NKAIN2: variants seen among roughly 807,000 people sequenced by gnomAD.
NKAIN2 encodes sodium/potassium-transporting ATPase subunit beta-1-interacting protein 2.
In NKAIN2, 14 loss-of-function variants were observed where a neutral mutation model predicts 32.6. That is an observed-to-expected ratio of 0.43 (90% CI 0.28 to 0.67). The LOEUF (loss-of-function observed/expected upper bound fraction) is 0.67, where lower values mean the gene tolerates loss of function less well. Among genes scored for constraint, NKAIN2 ranks in the 30% least tolerant of loss-of-function variants. NKAIN2 has a pLI of 0.17. For missense variants in NKAIN2, 198 were observed against 258.3 expected (o/e 0.77, Z 1.60); for synonymous variants, 80 against 87.2 (o/e 0.92, Z 0.46).
intron 3 of NKAIN2, among the ~76,000 whole-genome samples, chr6:124,595,783 C>T (rs1782063652): frequency 6.6e-6 from 1 of 152,126 alleles, no homozygotes; most frequent in African/African-American, 2.4e-5. Flanking sequence ...AGTAGTGCAG[C>T]GATTACAGCA....
chr6:124,251,033 T>C lies in NKAIN2; in HGVS notation c.55-31972T>C, dbSNP rs553394437. ...AACACAGGTAAACTTTCTAAACAAA[T>C]AAAAATGAAGAATTGAATGGGGAAT... On this transcript the variant is annotated intron_variant, in intron 1 of 6. Transcript: ENST00000368417. 7.4e-4 allele frequency among the ~76,000 whole-genome samples: 112 copies of C among 152,014 alleles called. 1 individual carries two copies. Among genetic ancestry groups the C allele is most frequent in the Non-Finnish European group, 1.4e-3 (92 of 67,900 alleles).
chr6:124,182,032 G>A (rs888563540), intron 1 of NKAIN2, among the ~76,000 whole-genome samples: 2 of 152,164 alleles, frequency 1.3e-5, no homozygotes, highest in African/African-American at 4.8e-5. Context: ...AATTTATAAA[G>A]GAAAGAGGTT....
At chr6:124,065,676 T>G (rs531353576) in intron 1 of NKAIN2, among the ~76,000 whole-genome samples, 38 of 152,284 alleles carry the variant, frequency 2.5e-4, no homozygotes, top group Non-Finnish European at 5.3e-4. Context: ...AATAAATTTC[T>G]ATTGTTTATA....
chr6:124,715,125 C>A (rs941529421), intron 4 of NKAIN2, among the ~76,000 whole-genome samples: 1 of 152,282 alleles, frequency 6.6e-6, no homozygotes, highest in East Asian at 1.9e-4. Context: ...TCTCTGGAGC[C>A]CTCTAGAATA....
intron 1 of NKAIN2, among the ~76,000 whole-genome samples, chr6:123,868,230 G>A (rs988183127): frequency 6.6e-6 from 1 of 152,102 alleles, no homozygotes; most frequent in African/African-American, 2.4e-5. Flanking sequence ...GCTCCCTGGA[G>A]GCATGGCTAT....
At chr6:124,446,888 A>T (rs1775914303) in intron 3 of NKAIN2, among the ~76,000 whole-genome samples, 2 of 152,056 alleles carry the variant, frequency 1.3e-5, no homozygotes, top group Non-Finnish European at 2.9e-5. Context: ...ATTTTTATTA[A>T]CACATTATGA....
At chr6:124,420,957 A>G (rs1774718367) in intron 3 of NKAIN2, among the ~76,000 whole-genome samples, 1 of 151,954 alleles carries the variant, frequency 6.6e-6, no homozygotes, top group Non-Finnish European at 1.5e-5. Context: ...ATATTTCACC[A>G]CATGCATACG....
intron 1 of NKAIN2, among the ~76,000 whole-genome samples, chr6:124,097,423 A>T (rs76204177): frequency 0.011 from 1,674 of 151,546 alleles, 27 homozygotes; most frequent in African/African-American, 0.039. Context: ...AAAAAAAAGT[A>T]ATTAACTTAG....
chr6:124,744,500 C>G (rs923375954), intron 4 of NKAIN2, among the ~76,000 whole-genome samples: 1 of 151,578 alleles, frequency 6.6e-6, no homozygotes, highest in Non-Finnish European at 1.5e-5. Flanking sequence ...TAAGTAGGTC[C>G]GAATCTATTT....
At chr6:124,382,310 T>C (rs1295573046) in intron 3 of NKAIN2, among the ~76,000 whole-genome samples, 1 of 152,132 alleles carries the variant, frequency 6.6e-6, no homozygotes, top group Non-Finnish European at 1.5e-5. Flanking sequence ...ATGAACAATC[T>C]ATATTTTATT....
At chr6:124,193,164 G>C (rs1243508387) in intron 1 of NKAIN2, among the ~76,000 whole-genome samples, 1 of 152,204 alleles carries the variant, frequency 6.6e-6, no homozygotes, top group Admixed American at 6.5e-5. Flanking sequence ...TGCTTTTCTG[G>C]CTGGAAACTT....
chr6:124,135,766 T>G (rs1052595104), intron 1 of NKAIN2, among the ~76,000 whole-genome samples: 1 of 152,102 alleles, frequency 6.6e-6, no homozygotes, highest in South Asian at 2.1e-4. Context: ...TTAAATAAAC[T>G]GCTGTTGAAT....
chr6:124,189,136 A>G (rs1789891074), intron 1 of NKAIN2, among the ~76,000 whole-genome samples: 1 of 152,172 alleles, frequency 6.6e-6, no homozygotes, highest in Non-Finnish European at 1.5e-5. Context: ...CATGAAGGAA[A>G]AAAAACGTAT....
intron 2 of NKAIN2, among the ~76,000 whole-genome samples, chr6:124,339,880 A>G (rs1018830269): frequency 1.3e-5 from 2 of 152,212 alleles, no homozygotes; most frequent in East Asian, 1.9e-4. Flanking sequence ...AGAGAGTATC[A>G]GACGTATTAT....
At chr6:124,431,657 A>G (rs757154129) in intron 3 of NKAIN2, among the ~76,000 whole-genome samples, 1 of 152,132 alleles carries the variant, frequency 6.6e-6, no homozygotes, top group Non-Finnish European at 1.5e-5. Context: ...TATATGACCT[A>G]TAGGTATTGA....
intron 3 of NKAIN2, among the ~76,000 whole-genome samples, chr6:124,633,780 C>G (rs1448191391): frequency 6.6e-6 from 1 of 152,174 alleles, no homozygotes; most frequent in African/African-American, 2.4e-5. Context: ...CTGATGGCAC[C>G]TAGAGCCCGA....
rs576947542 is a variant in NKAIN2, at chr6:123,857,649, C to T, written c.54+53395C>T. ...TTTATTCTCAGAAATTCATTTAATG[C>T]AGAACAAAACACATTTATTTAAGAT... On this transcript the variant is annotated intron_variant, in intron 1 of 6. Transcript: ENST00000368417. Among the ~76,000 whole-genome samples, 5 of 152,170 alleles carry T rather than the reference C, an allele frequency of 3.3e-5. No homozygotes were observed. In the South Asian group the frequency reaches 1.0e-3, roughly 32 times the overall value.
intron 3 of NKAIN2, among the ~76,000 whole-genome samples, chr6:124,630,195 TGGGGAGTGA>T (rs990317369): frequency 6.6e-6 from 1 of 152,062 alleles, no homozygotes; most frequent in African/African-American, 2.4e-5. Flanking sequence ...ACTTCAGGAT[TGGGGAGTGA>T]GGGGAATACT....
chr6:123,825,327 T>C (rs1412346163), intron 1 of NKAIN2, among the ~76,000 whole-genome samples: 1 of 152,164 alleles, frequency 6.6e-6, no homozygotes, highest in African/African-American at 2.4e-5. Flanking sequence ...TAAAGAAATA[T>C]GCTTCTATTA....
Sources: allele counts gnomAD v4.1 joint callset (sites outside exome capture counted in the v4.1 genomes callset), GRCh38; gene constraint gnomAD v4.1.1; transcripts MANE v1.5; gene names NCBI Gene and HGNC (gene_info 2026-07-23, HGNC 2026-07-21).